Variants in AJUBA observed in about 807,000 individuals in gnomAD.
AJUBA encodes ajuba LIM protein, also known as LIM domain-containing protein ajuba.
A neutral mutation model predicts 53.3 loss-of-function variants in AJUBA; 20 were observed. That is an observed-to-expected ratio of 0.38 (90% confidence interval 0.26 to 0.55). The LOEUF is 0.55. Ranked by LOEUF, AJUBA falls within the 20% of genes least tolerant of loss-of-function variation. The pLI, the probability that AJUBA is intolerant of heterozygous loss-of-function variation, is 0.80. For missense variants in AJUBA, 580 were observed against 730.5 expected, an observed-to-expected ratio of 0.79 and a Z score of 2.38; for synonymous variants, 296 against 306.2, an observed-to-expected ratio of 0.97 and a Z score of 0.35.
rs573435809 is a variant in AJUBA at position 22,982,074 on chromosome 14, G to C, written c.193C>G (p.Arg65Gly). ...GPGDEPLEPAREQGSLDAERN... is the reference protein window; with the variant it reads ...GPGDEPLEPAGEQGSLDAERN... ...TCAGCGTCCAGGGAACCTTGCTCCC[G>C]GGCCGGCTCCAACGGCTCATCCCCA... Residue 65 changes from arginine (R) to glycine (G), a missense_variant, in exon 1 of 8, where the codon CGG (arginine) becomes GGG (glycine). By Grantham distance (125) the Arg-to-Gly change is moderately radical. This residue lies in a region of AJUBA where 430 missense variants were observed against 471.5 expected (regional missense o/e 0.91). Coordinates refer to ENST00000262713, the MANE Select transcript of AJUBA (RefSeq NM_032876.6). The C allele has an allele frequency of 4.4e-6, 7 of 1,591,954 alleles. No homozygotes were observed. The highest frequency in any genetic ancestry group is 1.1e-5 in the South Asian group (1 of 88,718).
intron 1 of AJUBA, chr14:22,980,758 C>A: frequency 4.4e-6 from 4 of 906,928 alleles, no homozygotes; most frequent in Middle Eastern, 5.7e-4. Context: ...CGGCGGCAGC[C>A]GCCCCGCCCG....
In AJUBA at chr14:22,973,440, A is replaced by C; in HGVS notation, c.*3T>G. Reference sequence around the variant, plus strand: ...GGGTGACAGCAGCAGCAGTGATTGCAGCTCAGATATAGTTGGCAGGGGGTT... The same window carrying C: ...GGGTGACAGCAGCAGCAGTGATTGCCGCTCAGATATAGTTGGCAGGGGGTT... On this transcript the variant is annotated 3_prime_UTR_variant, in exon 8 of 8. Coordinates refer to ENST00000262713, the MANE Select transcript of AJUBA (RefSeq NM_032876.6). 4 of 1,607,150 alleles carry C rather than the reference A, an allele frequency of 2.5e-6. No homozygotes were observed. Among genetic ancestry groups the C allele is most frequent in the Non-Finnish European group, 3.4e-6 (4 of 1,176,734 alleles).
rs1401294725 is a variant in AJUBA at position 22,973,211 on chromosome 14, G to C, written c.*232C>G. ...ACCCTCCTGTGTGTGCCTAAGCTCA[G>C]ACTGCACACATGGGAAAAAGGCCAG... On this transcript the variant is annotated 3_prime_UTR_variant, in exon 8 of 8. Coordinates refer to ENST00000262713, the MANE Select transcript of AJUBA (RefSeq NM_032876.6). The C allele has an allele frequency of 8.6e-6, 5 of 583,564 alleles. No homozygotes were observed. Among genetic ancestry groups the C allele is most frequent in the African/African-American group, 3.7e-5 (2 of 53,340 alleles). 36.1% of individuals were successfully genotyped at this position (583,564 alleles called of 1,614,324 possible). A position where few individuals can be genotyped will look rare whatever the true frequency, so the allele number is the denominator to read the frequency against.
intron 2 of AJUBA, 44 bp from the exon 3 acceptor site, chr14:22,976,756 G>C (rs751937613): frequency 6.2e-7 from 1 of 1,603,474 alleles, no homozygotes; most frequent in South Asian, 1.1e-5. Flanking sequence ...CCACAGCCCA[G>C]GTGCAAGACT....
At chr14:22,976,814 C>T in intron 2 of AJUBA, 102 bp from the exon 3 acceptor site, 1 of 1,507,242 alleles carries the variant, frequency 6.6e-7, no homozygotes, top group African/African-American at 1.4e-5. Context: ...TAAACCTGGA[C>T]TTTGTGCTTT....
At chr14:22,973,925 A>C in intron 7 of AJUBA, 122 bp downstream of exon 7, 1 of 1,158,116 alleles carries the variant, frequency 8.6e-7, no homozygotes, top group Non-Finnish European at 1.3e-6. Context: ...ATAGGTCACA[A>C]TATCTTTCTG....
chr14:22,975,414 C>T (rs2045025604), intron 4 of AJUBA: 4 of 269,164 alleles, frequency 1.5e-5, no homozygotes, highest in Non-Finnish European at 1.4e-5. Flanking sequence ...GGGATCCAAA[C>T]ACTGTTTTTT....
intron 4 of AJUBA, 118 bp downstream of exon 4, chr14:22,976,338 A>C (rs2045036139): frequency 9.4e-7 from 1 of 1,065,788 alleles, no homozygotes; most frequent in African/African-American, 1.6e-5. Context: ...GAATGGGATG[A>C]AAGTGATTCA....
chr14:22,973,658 C>CTAATAACTG, intron 7 of AJUBA, 90 bp from the exon 8 acceptor site: 1 of 1,524,164 alleles, frequency 6.6e-7, no homozygotes, highest in Non-Finnish European at 8.9e-7. Context: ...CACCTGACTC[C>CTAATAACTG]TAATAACTGG....
rs748768764 is a variant in AJUBA at position 22,976,821 on chromosome 14, C to A, written c.1109-109G>T. 3.5e-4 allele frequency: 523 copies of A among 1,494,596 alleles called. 1 individual carries two copies. Among genetic ancestry groups the A allele is most frequent in the Non-Finnish European group, 4.3e-4 (481 of 1,122,788 alleles). 92.6% of individuals were successfully genotyped at this position (1,494,596 alleles called of 1,614,324 possible). On this transcript the variant is annotated intron_variant, in intron 2 of 7. Transcript: ENST00000262713. ...AATATATTTAAACCTGGACTTTGTG[C>A]TTTTCCTCCTAACTGCTGTCTGTCC...
intron 1 of AJUBA, chr14:22,980,611 C>T (rs2045077630): frequency 1.0e-6 from 1 of 985,292 alleles, no homozygotes; most frequent in Non-Finnish European, 1.2e-6. Flanking sequence ...ACCTAGCCAA[C>T]AGGACTGGGG....
chr14:22,979,395 G>A lies in AJUBA; in HGVS notation c.1007-950C>T, dbSNP rs182542903. ...GGGCCCATCCCAGTCTTTGCCCAGGGGCTTGGGAGCCTGTGCAGCAGCTGC... is the reference window on the plus strand; with the variant it reads ...GGGCCCATCCCAGTCTTTGCCCAGGAGCTTGGGAGCCTGTGCAGCAGCTGC... On this transcript the variant is annotated intron_variant, in intron 1 of 7. Transcript: ENST00000262713. This position sits in a 1 kb window ranked among gnomAD's most constrained non-coding sequence, Gnocchi z 4.0. Among the ~76,000 whole-genome samples, 209 of 152,330 alleles carry A rather than the reference G, an allele frequency of 1.4e-3. No homozygotes were observed. Among genetic ancestry groups the A allele is most frequent in the Middle Eastern group, 3.4e-3 (1 of 294 alleles).
chr14:22,980,018 T>G (rs1331584023), intron 1 of AJUBA, among the ~76,000 whole-genome samples: 1 of 151,930 alleles, frequency 6.6e-6, no homozygotes, highest in Non-Finnish European at 1.5e-5. Flanking sequence ...GGCTGGGGGT[T>G]GAGTTATGCC....
At chr14:22,974,442 G>A (rs750860375) in intron 6 of AJUBA, among the ~76,000 whole-genome samples, 2 of 152,150 alleles carry the variant, frequency 1.3e-5, no homozygotes, top group Non-Finnish European at 2.9e-5. Context: ...GATCCAATAA[G>A]ATCTGGTCCT....
At chr14:22,976,314 G>T in intron 4 of AJUBA, 142 bp downstream of exon 4, 1 of 913,704 alleles carries the variant, frequency 1.1e-6, no homozygotes, top group Non-Finnish European at 1.8e-6. Context: ...ACTGTAAACA[G>T]TTGCTCTGGG....
chr14:22,976,601 G>T, intron 3 of AJUBA, 44 bp downstream of exon 3: 2 of 1,612,906 alleles, frequency 1.2e-6, no homozygotes, highest in Non-Finnish European at 1.7e-6. Context: ...CAAGAAGGGG[G>T]TCAGTATGGA....
Position 22,981,807 on chromosome 14 carries a change from C to T in AJUBA, c.460G>A (p.Gly154Ser), listed in dbSNP as rs1303256392. 6.5e-7 allele frequency: 1 copy of T among 1,533,824 alleles called. No individual in the cohort carries two copies. The highest frequency in any genetic ancestry group is 2.5e-5 in the East Asian group (1 of 40,788). The change falls in exon 1 of 8, where the codon GGT becomes AGT. Residue 154 changes from glycine to serine, a missense_variant. Physicochemically the swap from Gly to Ser is moderately conservative, Grantham distance 56. Transcript: ENST00000262713. The stretch of plus-strand genomic sequence containing the variant: ...GTGCGATTGCTGCAGGGCCGGCTAC[C>T]TCCAGCTCCGCCAGCCCCCGCCCCG... ...LDGAGAGGAG[G>S]SRPCSNRTSG...
chr14:22,978,956 C>A (rs1335217450), intron 1 of AJUBA: 1 of 1,289,048 alleles, frequency 7.8e-7, no homozygotes, highest in Non-Finnish European at 1.0e-6. Flanking sequence ...GATTTCTCTC[C>A]ACTGCAGACT....
At position 22,971,758 on chromosome 14, in the gene AJUBA, G is replaced by A. The variant is rs1227950491; in HGVS notation, c.*1685C>T. ...CATTGAACTCCATTATATTTTTCAAGGCATTTAATTTGTAAAGGAATATTG... is the reference window on the plus strand; with the variant it reads ...CATTGAACTCCATTATATTTTTCAAAGCATTTAATTTGTAAAGGAATATTG... On this transcript the variant is annotated 3_prime_UTR_variant, in exon 8 of 8. Coordinates refer to ENST00000262713, the MANE Select transcript of AJUBA (RefSeq NM_032876.6). The A allele has an allele frequency of 2.6e-5, 4 of 152,004 alleles. No individual in the cohort carries two copies. The highest frequency in any genetic ancestry group is 6.6e-5 in the Admixed American group (1 of 15,250). The allele number at this position is 152,004 out of a possible 1,614,324, so 9.4% of individuals were successfully genotyped here.
Sources: allele counts gnomAD v4.1 joint callset (sites outside exome capture counted in the v4.1 genomes callset), GRCh38; gene constraint gnomAD v4.1.1; regional missense constraint gnomAD v4.1.1; non-coding constraint Gnocchi (gnomAD v3.1); transcripts MANE v1.5; gene names NCBI Gene and HGNC (gene_info 2026-07-23, HGNC 2026-07-21).